MPV17: variants seen among roughly 807,000 people sequenced by gnomAD.
MPV17 encodes the protein MPV17, mitochondrial inner membrane protein.
A neutral mutation model predicts 28.6 loss-of-function variants in MPV17; 31 were observed. That is an observed-to-expected ratio of 1.08 (90% CI 0.81 to 1.46). MPV17 has a LOEUF of 1.46. Among genes scored for constraint, MPV17 ranks in the 40% most tolerant of loss-of-function variants. The probability of loss-of-function intolerance (pLI) is 0.00; values close to 1 mark genes in which losing one functional copy is unlikely to be tolerated. For missense variants in MPV17, 198 were observed against 216.2 expected (o/e 0.92, Z 0.53); for synonymous variants, 87 against 85.3 (o/e 1.02, Z -0.11).
intron 2 of MPV17, among the ~76,000 whole-genome samples, chr2:27,315,457 G>C (rs1436161833): frequency 2.0e-5 from 3 of 152,226 alleles, no homozygotes; most frequent in Admixed American, 2.0e-4. Flanking sequence ...GACCAACAGT[G>C]TAACGGTCTA....
At chr2:27,320,366 C>T (rs13428050) in intron 2 of MPV17, among the ~76,000 whole-genome samples, 32 of 147,430 alleles carry the variant, frequency 2.2e-4, no homozygotes, top group Admixed American at 7.4e-4. Flanking sequence ...GATGGAGTTT[C>T]GCTCTTGTTG....
At chr2:27,311,815 T>A in intron 7 of MPV17, 84 bp downstream of exon 7, 3 of 1,583,978 alleles carry the variant, frequency 1.9e-6, no homozygotes, top group Non-Finnish European at 2.6e-6. Context: ...CTAAGGTAGC[T>A]CAAGGTTGAA....
At chr2:27,312,659 C>CCACTCTGTTCTCCTGCT in intron 4 of MPV17, 21 bp downstream of exon 4, 2 of 1,613,748 alleles carry the variant, frequency 1.2e-6, no homozygotes, top group Admixed American at 3.3e-5. Flanking sequence ...CTCACCCTCC[C>CCACTCTGTTCTCCTGCT]CACTCTGTTC....
chr2:27,319,812 G>T (rs1679785568), intron 2 of MPV17, among the ~76,000 whole-genome samples: 1 of 151,206 alleles, frequency 6.6e-6, no homozygotes, highest in Non-Finnish European at 1.5e-5. Context: ...TGTAGTCCCA[G>T]CTACTCAGGA....
chr2:27,315,412 T>C (rs1175445915), intron 2 of MPV17, among the ~76,000 whole-genome samples: 1 of 152,096 alleles, frequency 6.6e-6, no homozygotes, highest in Non-Finnish European at 1.5e-5. Flanking sequence ...CAGGGGATGG[T>C]GAGGCAGAAA....
At position 27,309,913 on chromosome 2, in the gene MPV17, T is replaced by G. The variant is rs1679363756; in HGVS notation, c.530A>C (p.Ter177SerextTer15). 1 of 1,613,430 alleles carries G rather than the reference T, an allele frequency of 6.2e-7. No homozygotes were observed. Among genetic ancestry groups the G allele is most frequent in the African/African-American group, 1.3e-5 (1 of 74,888 alleles). Reference protein sequence around the residue: ...SYLSWKAHRL* With the variant: ...SYLSWKAHRLS ...TGGAAACGATGGAGTGAGGCAGGCT[T>G]AGAGCCGATGTGCCTTCCAGGACAG... The change falls in exon 8 of 8, where the codon TAA becomes TCA. Residue 177 changes from the stop codon to serine, a stop_lost. Transcript: ENST00000380044.
rs866678699 is a variant in MPV17 at position 27,321,538 on chromosome 2, A to C, written c.70+910T>G. ...CTAGAATCCTGTTCCCCTTCTCTAAACATGGGCAAGACCTCATCTTAATGT... is the reference window on the plus strand; with the variant it reads ...CTAGAATCCTGTTCCCCTTCTCTAACCATGGGCAAGACCTCATCTTAATGT... On this transcript the variant is annotated intron_variant, in intron 2 of 7. Transcript: ENST00000380044. Among the ~76,000 whole-genome samples the C allele has an allele frequency of 2.6e-5, 4 of 152,162 alleles. No homozygotes were observed. In the South Asian group the frequency reaches 8.3e-4, roughly 31 times the overall value.
chr2:27,320,935 G>A (rs1287090619), intron 2 of MPV17, among the ~76,000 whole-genome samples: 1 of 152,212 alleles, frequency 6.6e-6, no homozygotes, highest in Non-Finnish European at 1.5e-5. Context: ...TCTGGGAAAA[G>A]TGCTGGGAGG....
chr2:27,320,766 GT>G (rs1679828316), intron 2 of MPV17, among the ~76,000 whole-genome samples: 1 of 152,198 alleles, frequency 6.6e-6, no homozygotes, highest in South Asian at 2.1e-4. Context: ...TCTCTGTACT[GT>G]TTTCCAGTGT....
chr2:27,319,153 T>TA (rs565566603), intron 2 of MPV17, among the ~76,000 whole-genome samples: 424 of 151,690 alleles, frequency 2.8e-3, no homozygotes, highest in Non-Finnish European at 5.2e-3. Context: ...AATGCATCCT[T>TA]AGAGTGGCTC....
chr2:27,315,295 G>A (rs1381930519), intron 2 of MPV17, among the ~76,000 whole-genome samples: 2 of 152,184 alleles, frequency 1.3e-5, no homozygotes, highest in African/African-American at 4.8e-5. Flanking sequence ...GACGTCGGGG[G>A]AACTGCAGGT....
chr2:27,313,074 G>C lies in MPV17; in HGVS notation c.106C>G (p.Gln36Glu). The change falls in exon 3 of 8, where the codon CAG becomes GAG. Residue 36 changes from glutamine to glutamate, a missense_variant. Coordinates refer to ENST00000380044, the MANE Select transcript of MPV17 (RefSeq NM_002437.5). ...TGCAGACCCCGCCTCTCCACCAGCT[G>C]CTGTGAGATAATGTCACCCAGGCCC... The part of the protein sequence containing the change: ...LMGLGDIISQ[Q>E]LVERRGLQEH... The C allele has an allele frequency of 6.2e-7, 1 of 1,614,192 alleles. No homozygotes were observed. The highest frequency in any genetic ancestry group is 8.5e-7 in the Non-Finnish European group (1 of 1,180,050).
chr2:27,310,572 T>A (rs1436532888), intron 7 of MPV17, among the ~76,000 whole-genome samples: 4 of 152,188 alleles, frequency 2.6e-5, no homozygotes, highest in Non-Finnish European at 1.5e-5. Flanking sequence ...CTGGGCCCCT[T>A]CTAAGTTCAT....
chr2:27,320,097 C>T (rs1288190115), intron 2 of MPV17, among the ~76,000 whole-genome samples: 2 of 150,014 alleles, frequency 1.3e-5, no homozygotes, highest in African/African-American at 4.9e-5. Context: ...ATTAGCTGGG[C>T]GTGGTGGCGC....
rs1679515919 is a variant in MPV17 at position 27,313,029 on chromosome 2, T to G, written c.151A>C (p.Thr51Pro). 1 of 1,613,996 alleles carries G rather than the reference T, an allele frequency of 6.2e-7. No individual in the cohort carries two copies. The highest frequency in any genetic ancestry group is 8.5e-7 in the Non-Finnish European group (1 of 1,179,978). Residue 51 changes from threonine (T) to proline (P), a missense_variant, in exon 3 of 8, where the codon ACT becomes CCT. Thr to Pro is a conservative substitution (Grantham distance 38). Coordinates refer to ENST00000380044, the MANE Select transcript of MPV17 (RefSeq NM_002437.5). ...CAGCCCAGGGACACCATGGTCAGAG[T>G]CCGGCCTCTCTGGTGTTCCTGCAGA... ...RGLQEHQRGRTLTMVSLGCGF... is the reference protein window; with the variant it reads ...RGLQEHQRGRPLTMVSLGCGF...
chr2:27,312,362 C>T, intron 5 of MPV17, 116 bp from the exon 6 acceptor site: 1 of 1,411,228 alleles, frequency 7.1e-7, no homozygotes, highest in Non-Finnish European at 1.0e-6. Context: ...CACCATAACC[C>T]TCAGCTCCTC....
intron 7 of MPV17, chr2:27,311,071 T>C (rs1679421748): frequency 1.8e-5 from 2 of 110,668 alleles, no homozygotes; most frequent in South Asian, 6.5e-4. Flanking sequence ...TTTTTTTTTT[T>C]TGGAGACAGG....
Position 27,317,264 on chromosome 2 carries a change from G to C in MPV17, c.71-4155C>G, listed in dbSNP as rs766730128. On this transcript the variant is annotated intron_variant, in intron 2 of 7. Coordinates refer to ENST00000380044, the MANE Select transcript of MPV17 (RefSeq NM_002437.5). This position sits in a 1 kb window ranked among gnomAD's most constrained non-coding sequence, Gnocchi z 4.0. Reference sequence around the variant, plus strand: ...AAACATTAGTTAGCTGCCTAGGATAGGGGCTCAGTCTGGCACAGAGCCCAG... The same window carrying C: ...AAACATTAGTTAGCTGCCTAGGATACGGGCTCAGTCTGGCACAGAGCCCAG... 6.6e-7 allele frequency: 1 copy of C among 1,520,686 alleles called. No homozygotes were observed. Among genetic ancestry groups the C allele is most frequent in the East Asian group, 2.5e-5 (1 of 40,164 alleles). 94.2% of individuals were successfully genotyped at this position (1,520,686 alleles called of 1,614,324 possible).
intron 2 of MPV17, chr2:27,313,393 G>A: frequency 1.6e-6 from 1 of 625,604 alleles, no homozygotes; most frequent in Non-Finnish European, 2.8e-6. Flanking sequence ...AGTATAGAGA[G>A]AGGAAGGAGA....
Sources: gnomAD v4.1 joint callset for allele counts (sites outside exome capture counted in the v4.1 genomes callset) on GRCh38, gnomAD v4.1.1 for gene constraint, Gnocchi (gnomAD v3.1) non-coding constraint, MANE v1.5 for transcripts, NCBI Gene and HGNC (gene_info 2026-07-23, HGNC 2026-07-21) for gene names.